The following RSPH3 variants were observed in gnomAD, a reference collection of about 807,000 sequenced individuals.
RSPH3 encodes the protein radial spoke head protein 3 homolog.
RSPH3 carries 21 observed loss-of-function variants against 43.8 expected under a neutral mutation model. The ratio of observed to expected loss-of-function variants is 0.48; its 90% CI spans 0.34 to 0.69. The LOEUF (loss-of-function observed/expected upper bound fraction) is 0.69. RSPH3 is among the 30% of genes least tolerant of loss of function. RSPH3 has a pLI of 0.01. For missense variants in RSPH3, 487 were observed against 516.0 expected (o/e 0.94, Z 0.54); for synonymous variants, 173 against 179.8 (o/e 0.96, Z 0.30).
At chr6:158,980,179 A>C (rs1267542301) in intron 6 of RSPH3, among the ~76,000 whole-genome samples, 1 of 152,190 alleles carries the variant, frequency 6.6e-6, no homozygotes, top group East Asian at 1.9e-4. Context: ...TCACGCCTCT[A>C]ATCTCAGCTC....
chr6:158,982,891 T>C (rs1339097742), intron 4 of RSPH3, among the ~76,000 whole-genome samples: 1 of 152,106 alleles, frequency 6.6e-6, no homozygotes, highest in Non-Finnish European at 1.5e-5. Context: ...AAGTCAAAGT[T>C]ATGAAAAAAA....
rs1778352669 is a variant in RSPH3, at chr6:158,989,949, T to C, written c.205-3528A>G. ...ACCCTTAATCGGGGTGGGCACAATC[T>C]AATCAACTGCCAGAGTGGCTAGAAT... On this transcript the variant is annotated intron_variant, in intron 2 of 7. Coordinates refer to ENST00000367069, the MANE Select transcript of RSPH3 (RefSeq NM_031924.8). This position sits in a 1 kb window ranked among gnomAD's most constrained non-coding sequence, Gnocchi z 4.3. 6.6e-6 allele frequency among the ~76,000 whole-genome samples: 1 copy of C among 152,122 alleles called. No homozygotes were observed. Among genetic ancestry groups the C allele is most frequent in the Non-Finnish European group, 1.5e-5 (1 of 68,020 alleles).
chr6:158,998,386 G>A (rs1429063492), intron 1 of RSPH3, among the ~76,000 whole-genome samples: 1 of 136,510 alleles, frequency 7.3e-6, no homozygotes, highest in Non-Finnish European at 1.6e-5. Context: ...GGAGAATGGC[G>A]TGAACCCGGG....
Position 158,986,212 on chromosome 6 carries a change from T to A in RSPH3, c.346+68A>T, listed in dbSNP as rs1418475409. 4.6e-6 allele frequency: 7 copies of A among 1,513,706 alleles called. No individual in the cohort carries two copies. In the East Asian group the frequency reaches 1.6e-4, roughly 34 times the overall value. 93.8% of individuals were successfully genotyped at this position (1,513,706 alleles called of 1,614,324 possible). ...AGGCATAAGTAATACAAAGGCCAAA[T>A]AAAAATGAACTGACATAGACAACTG... is the stretch of plus-strand genomic sequence containing the variant. On this transcript the variant is annotated intron_variant, in intron 3 of 7. Coordinates refer to ENST00000367069, the MANE Select transcript of RSPH3 (RefSeq NM_031924.8).
downstream of RSPH3, among the ~76,000 whole-genome samples, chr6:158,971,435 G>A (rs918391621): frequency 6.6e-6 from 1 of 152,122 alleles, no homozygotes; most frequent in Non-Finnish European, 1.5e-5. Context: ...CATTCCAGAG[G>A]TGCTTTGTCC....
intron 1 of RSPH3, among the ~76,000 whole-genome samples, chr6:158,995,740 G>GC (rs1778569363): frequency 6.6e-6 from 1 of 151,692 alleles, no homozygotes; most frequent in Non-Finnish European, 1.5e-5. Context: ...GACTACAGGC[G>GC]CCCGCCACCA....
intron 4 of RSPH3, 135 bp downstream of exon 4, chr6:158,983,527 A>G: frequency 1.4e-6 from 1 of 736,954 alleles, no homozygotes; most frequent in South Asian, 1.5e-5. Context: ...AAACCATTAT[A>G]GATAATATCT....
At chr6:158,999,302 A>C in intron 1 of RSPH3, 133 bp downstream of exon 1, 1 of 785,908 alleles carries the variant, frequency 1.3e-6, no homozygotes, top group Non-Finnish European at 1.9e-6. Context: ...CTTAGGGCAG[A>C]ACTTTTATTT....
intron 5 of RSPH3, among the ~76,000 whole-genome samples, chr6:158,981,413 G>C (rs16889309): frequency 0.13 from 20,081 of 152,078 alleles, 2,046 homozygotes; most frequent in East Asian, 0.41. Flanking sequence ...ATTTATAAAG[G>C]TGATGAATCC....
intron 2 of RSPH3, chr6:158,990,477 C>T (rs1778370172): frequency 6.6e-6 from 1 of 152,066 alleles, no homozygotes; most frequent in Admixed American, 6.5e-5. Flanking sequence ...CATTTTGGAA[C>T]TCCTGAAAAA....
chr6:158,991,970 T>C (rs1018911909), intron 2 of RSPH3, among the ~76,000 whole-genome samples: 1 of 152,118 alleles, frequency 6.6e-6, no homozygotes, highest in Non-Finnish European at 1.5e-5. Flanking sequence ...ATTTCATAAA[T>C]TATATGAGAT....
intron 1 of RSPH3, among the ~76,000 whole-genome samples, chr6:158,998,037 A>G (rs1363247622): frequency 1.3e-5 from 2 of 152,212 alleles, no homozygotes; most frequent in Admixed American, 6.5e-5. Context: ...GGTGAACAAA[A>G]GATGCAAAAG....
chr6:159,000,037 A>C lies in RSPH3; in HGVS notation c.-487T>G. The C allele has an allele frequency of 2.0e-6, 3 of 1,488,416 alleles. No individual in the cohort carries two copies. Among genetic ancestry groups the C allele is most frequent in the Non-Finnish European group, 1.8e-6 (2 of 1,111,850 alleles). 92.2% of individuals were successfully genotyped at this position (1,488,416 alleles called of 1,614,324 possible). On this transcript the variant is annotated 5_prime_UTR_variant, in exon 1 of 8. Coordinates refer to ENST00000367069, the MANE Select transcript of RSPH3 (RefSeq NM_031924.8). ...GCCCGGCTTTGGAATGTGGCTTTGC[A>C]GGGCTGGTGTTGGCGCCATTCTCGC...
In RSPH3 at chr6:159,000,040, G is replaced by T. The variant is rs549135750; in HGVS notation, c.-490C>A. ...CGGCTTTGGAATGTGGCTTTGCAGG[G>T]CTGGTGTTGGCGCCATTCTCGCAGG... On this transcript the variant is annotated 5_prime_UTR_variant, in exon 1 of 8. Coordinates refer to ENST00000367069, the MANE Select transcript of RSPH3 (RefSeq NM_031924.8). 23 of 1,467,286 alleles carry T rather than the reference G, an allele frequency of 1.6e-5. No homozygotes were observed. The highest frequency in any genetic ancestry group is 1.1e-4 in the African/African-American group (8 of 70,698). The allele number at this position is 1,467,286 out of a possible 1,614,324, so 90.9% of individuals were successfully genotyped here. A position where few individuals can be genotyped will look rare whatever the true frequency, so the allele number is the denominator to read the frequency against.
chr6:158,986,823 A>T (rs1778250273), intron 2 of RSPH3, among the ~76,000 whole-genome samples: 1 of 152,140 alleles, frequency 6.6e-6, no homozygotes, highest in African/African-American at 2.4e-5. Flanking sequence ...GTCAGCAAAG[A>T]TATTCGATAT....
chr6:158,998,925 T>C (rs1182788267), intron 1 of RSPH3, among the ~76,000 whole-genome samples: 1 of 151,218 alleles, frequency 6.6e-6, no homozygotes, highest in Non-Finnish European at 1.5e-5. Context: ...AAAAAACCAA[T>C]CTGTGGTCCT....
chr6:158,990,723 G>T (rs1278059187), intron 2 of RSPH3, among the ~76,000 whole-genome samples: 9 of 151,728 alleles, frequency 5.9e-5, no homozygotes, highest in Non-Finnish European at 1.2e-4. Flanking sequence ...TCCTCTTGGG[G>T]GGTCACTTGG....
Position 158,983,744 on chromosome 6 carries a change from G to A in RSPH3, c.410C>T (p.Ala137Val). ...IEVDMECQTD[A>V]FLDRPPTPLF... ...TGGTGTTGGTGGTCTGTCCAAAAATGCATCTGTTTGGCATTCCATATCAAC... is the reference window on the plus strand; with the variant it reads ...TGGTGTTGGTGGTCTGTCCAAAAATACATCTGTTTGGCATTCCATATCAAC... Residue 137 changes from alanine to valine, a missense_variant, in exon 4 of 8, where the codon GCA becomes GTA. By Grantham distance (64) the Ala-to-Val change is moderately conservative. Coordinates refer to ENST00000367069, the MANE Select transcript of RSPH3 (RefSeq NM_031924.8). 1.9e-6 allele frequency: 3 copies of A among 1,609,174 alleles called. No homozygotes were observed. Among genetic ancestry groups the A allele is most frequent in the Admixed American group, 1.7e-5 (1 of 60,008 alleles).
intron 3 of RSPH3, among the ~76,000 whole-genome samples, chr6:158,985,255 G>A (rs1778188807): frequency 6.6e-6 from 1 of 152,202 alleles, no homozygotes; most frequent in African/African-American, 2.4e-5. Context: ...GAAGAGGCTG[G>A]TGTGAGAGGC....
Sources: gnomAD v4.1 joint callset for allele counts (sites outside exome capture counted in the v4.1 genomes callset) on GRCh38, gnomAD v4.1.1 for gene constraint, Gnocchi (gnomAD v3.1) non-coding constraint, MANE v1.5 for transcripts, NCBI Gene and HGNC (gene_info 2026-07-23, HGNC 2026-07-21) for gene names.